TMEM117: variants seen among roughly 807,000 people sequenced by gnomAD.
The protein encoded by TMEM117 is transmembrane protein 117.
Under a neutral mutation model 52.4 loss-of-function variants are expected in TMEM117, and 27 were observed. The ratio of observed to expected loss-of-function variants is 0.51; its 90% confidence interval spans 0.38 to 0.71. The LOEUF is 0.71. TMEM117 is among the 30% of genes least tolerant of loss of function. The pLI, the probability that TMEM117 is intolerant of heterozygous loss-of-function variation, is 0.00. For missense variants in TMEM117, 556 were observed against 630.5 expected, an observed-to-expected ratio of 0.88 and a Z score of 1.26; for synonymous variants, 215 against 206.3, an observed-to-expected ratio of 1.04 and a Z score of -0.36.
intron 2 of TMEM117, among the ~76,000 whole-genome samples, chr12:43,918,496 A>C (rs1236818057): frequency 6.6e-6 from 1 of 152,238 alleles, no homozygotes; most frequent in East Asian, 1.9e-4. Flanking sequence ...TTATTTCACC[A>C]TGCTAATTCT....
intron 3 of TMEM117, among the ~76,000 whole-genome samples, chr12:44,124,514 A>G (rs1948290371): frequency 1.3e-5 from 2 of 152,190 alleles, no homozygotes; most frequent in Non-Finnish European, 2.9e-5. Flanking sequence ...GTTTTTGCCC[A>G]TTCAGTATGA....
chr12:44,346,750 G>A (rs1301909755), intron 6 of TMEM117, among the ~76,000 whole-genome samples: 1 of 152,022 alleles, frequency 6.6e-6, no homozygotes, highest in African/African-American at 2.4e-5. Flanking sequence ...AGAGTTGAGT[G>A]CTTCCTCTGA....
chr12:44,087,281 T>C (rs1450246034), intron 3 of TMEM117, among the ~76,000 whole-genome samples: 2 of 152,154 alleles, frequency 1.3e-5, no homozygotes, highest in African/African-American at 2.4e-5. Flanking sequence ...TTTTATTCAC[T>C]AATTACTTCA....
the TMEM117 span, among the ~76,000 whole-genome samples, chr12:43,810,868 A>G: frequency 2.6e-5 from 4 of 152,214 alleles, no homozygotes; most frequent in Non-Finnish European, 4.4e-5. Context: ...AGAATAGGCT[A>G]GGTCAGTATG....
chr12:44,215,945 G>C (rs1186646666), intron 5 of TMEM117, among the ~76,000 whole-genome samples: 1 of 150,876 alleles, frequency 6.6e-6, no homozygotes, highest in Non-Finnish European at 1.5e-5. Flanking sequence ...TATCTAGGTG[G>C]AAATATTTAA....
chr12:44,139,478 T>A (rs181033145), intron 3 of TMEM117, among the ~76,000 whole-genome samples: 1 of 133,520 alleles, frequency 7.5e-6, no homozygotes, highest in Admixed American at 6.8e-5. Flanking sequence ...AGATCTTGTA[T>A]ATTGAAATCT....
chr12:44,198,661 G>A (rs1296437883), intron 4 of TMEM117, among the ~76,000 whole-genome samples: 1 of 152,114 alleles, frequency 6.6e-6, no homozygotes, highest in Non-Finnish European at 1.5e-5. Context: ...GAGCATGGAG[G>A]CTCCCAGGCA....
intron 2 of TMEM117, among the ~76,000 whole-genome samples, chr12:43,861,483 T>A (rs1258190830): frequency 1.5e-4 from 23 of 152,216 alleles, no homozygotes; most frequent in Non-Finnish European, 1.5e-5. Flanking sequence ...TGCTATCCAC[T>A]GAATTTTGTA....
At chr12:44,030,982 A>T (rs904933392) in intron 3 of TMEM117, among the ~76,000 whole-genome samples, 1 of 152,216 alleles carries the variant, frequency 6.6e-6, no homozygotes, top group African/African-American at 2.4e-5. Flanking sequence ...AACAAAACTT[A>T]TAAAGGGTTA....
chr12:44,001,470 T>C (rs942336515), intron 3 of TMEM117, among the ~76,000 whole-genome samples: 1 of 152,148 alleles, frequency 6.6e-6, no homozygotes, highest in African/African-American at 2.4e-5. Context: ...AACTGTGGTA[T>C]AGGGACCCAC....
At chr12:43,918,245 A>C (rs1208029882) in intron 2 of TMEM117, among the ~76,000 whole-genome samples, 1 of 152,216 alleles carries the variant, frequency 6.6e-6, no homozygotes, top group African/African-American at 2.4e-5. Context: ...AATTACTGAC[A>C]GTACACTTTT....
chr12:43,800,322 A>AT, the TMEM117 span: 1 of 714,402 alleles, frequency 1.4e-6, no homozygotes, highest in Admixed American at 2.7e-5. Context: ...TATTTCTCTT[A>AT]TTCTCATGTT....
intron 4 of TMEM117, among the ~76,000 whole-genome samples, chr12:44,183,166 C>G (rs1354177038): frequency 6.6e-6 from 1 of 152,074 alleles, no homozygotes; most frequent in Admixed American, 6.5e-5. Context: ...TGGTGTATTT[C>G]TAATATTTTC....
At chr12:44,352,004 G>A (rs1951568890) in intron 6 of TMEM117, among the ~76,000 whole-genome samples, 1 of 151,896 alleles carries the variant, frequency 6.6e-6, no homozygotes, top group Non-Finnish European at 1.5e-5. Flanking sequence ...TTATGCATTA[G>A]GGTCAGATAT....
rs540306474 is a variant in TMEM117 at position 44,155,120 on chromosome 12, A to T, written c.510+11496A>T. On this transcript the variant is annotated intron_variant, in intron 4 of 7. Transcript: ENST00000266534. ...GCAACAAACATTTTGAGATAAAAAA[A>T]CTCATGAAATAAGGTATTTGTATAC... Among the ~76,000 whole-genome samples the T allele has an allele frequency of 7.9e-5, 12 of 152,262 alleles. No individual in the cohort carries two copies. In the South Asian group the frequency reaches 1.2e-3, roughly 16 times the overall value.
intron 2 of TMEM117, among the ~76,000 whole-genome samples, chr12:43,927,016 A>G (rs1157499364): frequency 6.6e-6 from 1 of 151,974 alleles, no homozygotes; most frequent in Non-Finnish European, 1.5e-5. Flanking sequence ...TATATAGCTT[A>G]TAGATATTCA....
intron 3 of TMEM117, among the ~76,000 whole-genome samples, chr12:44,043,984 G>A (rs1946841883): frequency 1.3e-5 from 2 of 152,300 alleles, no homozygotes; most frequent in South Asian, 2.1e-4. Flanking sequence ...TAGCTGAAAA[G>A]ATGGCCTGCT....
chr12:44,368,208 C>T (rs1252343188), intron 6 of TMEM117, among the ~76,000 whole-genome samples: 1 of 152,076 alleles, frequency 6.6e-6, no homozygotes, highest in African/African-American at 2.4e-5. Flanking sequence ...AAAATAGAAG[C>T]CACACCCAAC....
At chr12:43,853,258 C>A (rs941427393) in intron 2 of TMEM117, among the ~76,000 whole-genome samples, 1 of 152,130 alleles carries the variant, frequency 6.6e-6, no homozygotes, top group African/African-American at 2.4e-5. Flanking sequence ...TCATCCTTTA[C>A]ATGTTGTCTT....
Sources: allele counts gnomAD v4.1 joint callset (sites outside exome capture counted in the v4.1 genomes callset), GRCh38; gene constraint gnomAD v4.1.1; transcripts MANE v1.5; gene names NCBI Gene and HGNC (gene_info 2026-07-23, HGNC 2026-07-21).